The following TTN variants were observed in gnomAD, a reference collection of about 807,000 sequenced individuals.
TTN encodes the protein connectin.
In TTN, 1,525 loss-of-function variants were observed where a neutral mutation model predicts 3,223.0. The observed-to-expected ratio is 0.47, with a 90% CI of 0.45 to 0.49. TTN has a LOEUF of 0.49. Among genes scored for constraint, TTN ranks in the 20% least tolerant of loss-of-function variants. The pLI, the probability that TTN is intolerant of heterozygous loss-of-function variation, is 0.00. For missense variants in TTN, 40,786 were observed against 43,424.0 expected, an observed-to-expected ratio of 0.94 and a Z score of 5.40; for synonymous variants, 14,094 against 15,161.0, an observed-to-expected ratio of 0.93 and a Z score of 5.17.
rs778020953 is a variant in TTN, at chr2:178,566,920, G to A, written c.79212C>T (p.Thr26404=). 13 of 1,613,420 alleles carry A rather than the reference G, an allele frequency of 8.1e-6. No individual in the cohort carries two copies. The Admixed American group carries it at 8.3e-5, about 10-fold the overall frequency. Residue 26404 remains threonine (T), a synonymous_variant, in exon 326 of 363, where the codon ACC becomes ACT. Coordinates refer to ENST00000589042, the MANE Select transcript of TTN (RefSeq NM_001267550.2). Reference sequence around the variant, plus strand: ...CACTATCTGGACGGTTCCAACAGACGGTCATGGAGTCTTTGGCAATATTTG... The same window carrying A: ...CACTATCTGGACGGTTCCAACAGACAGTCATGGAGTCTTTGGCAATATTTG... ...EVTNIAKDSM[T]VCWNRPDSDG...
chr2:178,772,296 C>T lies in TTN; in HGVS notation c.7855+813G>A, dbSNP rs984508239. On this transcript the variant is annotated intron_variant, in intron 33 of 362. Coordinates refer to ENST00000589042, the MANE Select transcript of TTN (RefSeq NM_001267550.2). Reference sequence around the variant, plus strand: ...TCTTATAACGTAAGTAAGTATAAACCATGAAACTTTCATACCAAATAAGAC... The same window carrying T: ...TCTTATAACGTAAGTAAGTATAAACTATGAAACTTTCATACCAAATAAGAC... 3.3e-5 allele frequency among the ~76,000 whole-genome samples: 5 copies of T among 152,078 alleles called. No individual in the cohort carries two copies. In the South Asian group the frequency reaches 1.0e-3, roughly 32 times the overall value.
chr2:178,723,006 G>T lies in TTN; in HGVS notation c.21961+40C>A, dbSNP rs1399521285. The T allele has an allele frequency of 1.9e-6, 3 of 1,604,092 alleles. No individual in the cohort carries two copies. The Admixed American group carries it at 5.1e-5, about 27-fold the overall frequency. Reference sequence around the variant, plus strand: ...ATCAAAGAAACTATGCTACATGTTAGAAGAATGCAAATGATTTAAGAGACA... The same window carrying T: ...ATCAAAGAAACTATGCTACATGTTATAAGAATGCAAATGATTTAAGAGACA... On this transcript the variant is annotated intron_variant, in intron 75 of 362. Coordinates refer to ENST00000589042, the MANE Select transcript of TTN (RefSeq NM_001267550.2).
intron 12 of TTN, 130 bp downstream of exon 12, chr2:178,789,848 A>G: frequency 8.7e-7 from 1 of 1,150,392 alleles, no homozygotes; most frequent in Non-Finnish European, 1.3e-6. Flanking sequence ...TCTCATATTT[A>G]CCATTTTGTT....
rs2154148455 is a variant in TTN, at chr2:178,549,737, G to T, written c.91985C>A (p.Thr30662Asn). ...AATTAGTGCCCAGGCAAGTCTGCTGGTTTCCCGTTTTTCAATGATGTAGTG... is the reference window on the plus strand; with the variant it reads ...AATTAGTGCCCAGGCAAGTCTGCTGTTTTCCCGTTTTTCAATGATGTAGTG... ...ITHYIIEKRE[T>N]SRLAWALIED... is the part of the protein sequence containing the mutation. Residue 30662 changes from threonine to asparagine, a missense_variant, in exon 338 of 363, where the codon ACC (threonine) becomes AAC (asparagine). Transcript: ENST00000589042. 1.2e-6 allele frequency: 2 copies of T among 1,613,698 alleles called. No individual in the cohort carries two copies. The highest frequency in any genetic ancestry group is 1.7e-6 in the Non-Finnish European group (2 of 1,179,738).
intron 47 of TTN, chr2:178,752,024 C>G (rs756000371): frequency 3.2e-6 from 5 of 1,583,874 alleles, no homozygotes; most frequent in Non-Finnish European, 4.3e-6. Context: ...TTCAGATTCC[C>G]CCTCAGAGAA....
At chr2:178,639,824 T>G in intron 222 of TTN, 36 bp from the exon 223 acceptor site, 1 of 1,539,880 alleles carries the variant, frequency 6.5e-7, no homozygotes, top group Non-Finnish European at 8.7e-7. Flanking sequence ...GTGTATCAAT[T>G]TGTCACTTCC....
rs1281450771 is a variant in TTN at position 178,692,693 on chromosome 2, A to G, written c.31595-113T>C. The G allele has an allele frequency of 5.3e-6, 4 of 748,544 alleles. No individual in the cohort carries two copies. The East Asian group carries it at 1.2e-4, about 22-fold the overall frequency. The allele number at this position is 748,544 out of a possible 1,614,324, so 46.4% of individuals were successfully genotyped here. A position where few individuals can be genotyped will look rare whatever the true frequency, so the allele number is the denominator to read the frequency against. ...TTTTTATACCAACTGAATGCAAGAA[A>G]ATTATGCTTTAGAAATGAGAGTAAA... On this transcript the variant is annotated intron_variant, in intron 119 of 362. Coordinates refer to ENST00000589042, the MANE Select transcript of TTN (RefSeq NM_001267550.2).
At position 178,608,609 on chromosome 2, in the gene TTN, A is replaced by G; in HGVS notation, c.52402T>C (p.Phe17468Leu). Residue 17468 changes from phenylalanine (F) to leucine (L), a missense_variant, in exon 274 of 363, where the codon TTT becomes CTT. Transcript: ENST00000589042. ...VSKPLVAKDP[F>L]GPPDAPDKPI... ...TTAGATGCCAAAGGAAACTTACCAAATGGATCTTTAGCCACAAGTGGCTTT... is the reference window on the plus strand; with the variant it reads ...TTAGATGCCAAAGGAAACTTACCAAGTGGATCTTTAGCCACAAGTGGCTTT... 1.2e-6 allele frequency: 2 copies of G among 1,609,460 alleles called. No homozygotes were observed. The highest frequency in any genetic ancestry group is 1.7e-6 in the Non-Finnish European group (2 of 1,178,120).
rs756514180 is a variant in TTN at position 178,756,696 on chromosome 2, A to C, written c.10780T>G (p.Ser3594Ala). ...SSFTKEESKI[S>A]QKEIKSFQGS... The stretch of plus-strand genomic sequence containing the variant: ...TGAAATGACTTAATTTCCTTTTGAG[A>C]TATTTTGCTCTCCTCCTTTGTGAAA... Residue 3594 changes from serine (S) to alanine (A), a missense_variant, in exon 46 of 363, where the codon TCT becomes GCT. Physicochemically the swap from Ser to Ala is moderately conservative, Grantham distance 99. Coordinates refer to ENST00000589042, the MANE Select transcript of TTN (RefSeq NM_001267550.2). The C allele has an allele frequency of 6.2e-7, 1 of 1,613,814 alleles. No individual in the cohort carries two copies. Among genetic ancestry groups the C allele is most frequent in the South Asian group, 1.1e-5 (1 of 91,084 alleles).
Position 178,723,240 on chromosome 2 carries a change from G to A in TTN, c.21767C>T (p.Thr7256Ile). ...SIILESTYTG[T>I]LPISVTWKKD... The stretch of plus-strand genomic sequence containing the variant: ...TTTCCAAGTGACAGAAATTGGAAGT[G>A]TTCCAGTGTAGGTGCTCTCCAGAAT... The change falls in exon 75 of 363, where the codon ACA becomes ATA. Residue 7256 changes from threonine to isoleucine, a missense_variant. Physicochemically the swap from Thr to Ile is moderately conservative, Grantham distance 89. Transcript: ENST00000589042. The A allele has an allele frequency of 6.2e-7, 1 of 1,613,610 alleles. No individual in the cohort carries two copies. The highest frequency in any genetic ancestry group is 8.5e-7 in the Non-Finnish European group (1 of 1,179,686).
chr2:178,595,096 C>A (rs530705069), intron 295 of TTN, among the ~76,000 whole-genome samples: 62 of 152,148 alleles, frequency 4.1e-4, no homozygotes, highest in Admixed American at 4.1e-3. Flanking sequence ...CATGGCAAAA[C>A]CCTGCCTCTA....
At position 178,575,750 on chromosome 2, in the gene TTN, A is replaced by C. The variant is rs775762472; in HGVS notation, c.70382T>G (p.Ile23461Arg). 6.2e-7 allele frequency: 1 copy of C among 1,613,394 alleles called. No individual in the cohort carries two copies. The highest frequency in any genetic ancestry group is 1.1e-5 in the South Asian group (1 of 91,062). ...SVTLHWDLPL[I>R]DGGSRITNYI... Reference sequence around the variant, plus strand: ...GTTTGTTATACGTGAGCCTCCATCTATCAGAGGGAGGTCCCAGTGCAGGGT... The same window carrying C: ...GTTTGTTATACGTGAGCCTCCATCTCTCAGAGGGAGGTCCCAGTGCAGGGT... Residue 23461 changes from isoleucine (I) to arginine (R), a missense_variant, in exon 326 of 363, where the codon ATA (isoleucine) becomes AGA (arginine). By Grantham distance (97) the Ile-to-Arg change is moderately conservative (BLOSUM62 -3). Coordinates refer to ENST00000589042, the MANE Select transcript of TTN (RefSeq NM_001267550.2). The surrounding 1 kb of genome is among the most constrained non-coding windows in gnomAD (Gnocchi z 4.0).
Position 178,583,479 on chromosome 2 carries a change from G to A in TTN, c.65575+128C>T, listed in dbSNP as rs1575955544. The A allele has an allele frequency of 1.8e-5, 18 of 1,021,728 alleles. No individual in the cohort carries two copies. In the South Asian group the frequency reaches 3.5e-4, roughly 20 times the overall value. 63.3% of individuals were successfully genotyped at this position (1,021,728 alleles called of 1,614,324 possible). ...ATGATTCTCCATAATCATAATGTTT[G>A]TGTCTATATACAAAACATCATTTTA... is the stretch of plus-strand genomic sequence containing the variant. On this transcript the variant is annotated intron_variant, in intron 312 of 362. Transcript: ENST00000589042.
In TTN at chr2:178,779,468, C is replaced by G. The variant is rs1018613188; in HGVS notation, c.3730-6G>C. The G allele has an allele frequency of 2.0e-6, 3 of 1,465,662 alleles. No individual in the cohort carries two copies. The highest frequency in any genetic ancestry group is 1.7e-5 in the Admixed American group (1 of 58,484). 90.8% of individuals were successfully genotyped at this position (1,465,662 alleles called of 1,614,324 possible). ...AAGGAAGAAATATGGAATTCCTATGCAAAAAGATTATGGTCTGTTAAAAAT... is the reference window on the plus strand; with the variant it reads ...AAGGAAGAAATATGGAATTCCTATGGAAAAAGATTATGGTCTGTTAAAAAT... On this transcript the variant is annotated splice_polypyrimidine_tract_variant and splice_region_variant and intron_variant, in intron 22 of 362. Transcript: ENST00000589042.
rs762897454 is a variant in TTN, at chr2:178,714,179, G to A, written c.26483-4C>T. On this transcript the variant is annotated splice_region_variant and splice_polypyrimidine_tract_variant and intron_variant, in intron 91 of 362. Coordinates refer to ENST00000589042, the MANE Select transcript of TTN (RefSeq NM_001267550.2). Reference sequence around the variant, plus strand: ...TTTTCTACAATTGTTGCAGGCTCTGGAATGAAATGTAAAAGATATCCATAT... The same window carrying A: ...TTTTCTACAATTGTTGCAGGCTCTGAAATGAAATGTAAAAGATATCCATAT... The A allele has an allele frequency of 1.2e-5, 19 of 1,603,370 alleles. No homozygotes were observed. The South Asian group carries it at 1.4e-4, about 11-fold the overall frequency.
Position 178,665,420 on chromosome 2 carries a change from T to A in TTN, c.36000A>T (p.Ile12000=). 6.2e-7 allele frequency: 1 copy of A among 1,612,496 alleles called. No homozygotes were observed. Among genetic ancestry groups the A allele is most frequent in the South Asian group, 1.1e-5 (1 of 91,072 alleles). Residue 12000 remains isoleucine, a synonymous_variant, in exon 165 of 363, where the codon ATA becomes ATT. Coordinates refer to ENST00000589042, the MANE Select transcript of TTN (RefSeq NM_001267550.2). Reference sequence around the variant, plus strand: ...CTGGCTCTTCAGGTACATCCTCAAATATTTTCATTTCAGGGACAACTTCTT... The same window carrying A: ...CTGGCTCTTCAGGTACATCCTCAAAAATTTTCATTTCAGGGACAACTTCTT... ...AMKEVVPEMK[I]FEDVPEEPET...
rs879139495 is a variant in TTN, at chr2:178,537,537, G to A, written c.99670C>T (p.Pro33224Ser). 3.1e-6 allele frequency: 5 copies of A among 1,613,604 alleles called. No individual in the cohort carries two copies. Among genetic ancestry groups the A allele is most frequent in the South Asian group, 2.2e-5 (2 of 91,068 alleles). ...LRLHVMYIGR[P>S]VPAMTWFHGQ... is the part of the protein sequence containing the mutation. ...TGGAACCAAGTCATGGCAGGTACTG[G>A]ACGACCAATGTACATAACATGAAGC... Residue 33224 changes from proline to serine, a missense_variant, in exon 355 of 363, where the codon CCA becomes TCA. Coordinates refer to ENST00000589042, the MANE Select transcript of TTN (RefSeq NM_001267550.2).
rs1440722497 is a variant in TTN at position 178,693,660 on chromosome 2, C to T, written c.31543G>A (p.Glu10515Lys). The change falls in exon 119 of 363, where the codon GAA becomes AAA. Residue 10515 changes from glutamate (E) to lysine (K), a missense_variant. Coordinates refer to ENST00000589042, the MANE Select transcript of TTN (RefSeq NM_001267550.2). ...VPEVQKEIVT[E>K]EKIHVAISKR... ...GAAATGGCAACGTGAATTTTCTCTT[C>T]AGTAACAATTTCCTTTTGTACCTCG... The T allele has an allele frequency of 6.2e-7, 1 of 1,600,096 alleles. No individual in the cohort carries two copies. Among genetic ancestry groups the T allele is most frequent in the African/African-American group, 1.3e-5 (1 of 74,838 alleles).
chr2:178,663,761 A>T (rs2065241864), intron 170 of TTN, 51 bp from the exon 171 acceptor site: 6 of 1,612,254 alleles, frequency 3.7e-6, no homozygotes, highest in Non-Finnish European at 8.5e-7. Context: ...GACCACTGGA[A>T]AAAATATCTT....
Sources: allele counts gnomAD v4.1 joint callset (sites outside exome capture counted in the v4.1 genomes callset), GRCh38; gene constraint gnomAD v4.1.1; non-coding constraint Gnocchi (gnomAD v3.1); transcripts MANE v1.5; gene names NCBI Gene and HGNC (gene_info 2026-07-23, HGNC 2026-07-21).